Variants in TANC1 observed in about 807,000 individuals in gnomAD.
TANC1 encodes protein TANC1.
A neutral mutation model predicts 149.7 loss-of-function variants in TANC1; 77 were observed. The ratio of observed to expected loss-of-function variants is 0.51; its 90% confidence interval spans 0.43 to 0.62. The LOEUF is 0.62. Among genes scored for constraint, TANC1 ranks in the 20% least tolerant of loss-of-function variants. The pLI, the probability that TANC1 is intolerant of heterozygous loss-of-function variation, is 0.00. For missense variants in TANC1, 1,985 were observed against 2,321.8 expected (o/e 0.85, Z 2.98); for synonymous variants, 854 against 925.0 (o/e 0.92, Z 1.39).
rs759737515 is a variant in TANC1, at chr2:159,178,885, G to C, written c.2232G>C (p.Lys744Asn). 5 of 1,614,184 alleles carry C rather than the reference G, an allele frequency of 3.1e-6. No individual in the cohort carries two copies. Among genetic ancestry groups the C allele is most frequent in the Non-Finnish European group, 3.4e-6 (4 of 1,180,042 alleles). The change falls in exon 14 of 27, where the codon AAG becomes AAC. Residue 744 changes from lysine (K) to asparagine (N), a missense_variant. Physicochemically the swap from Lys to Asn is moderately conservative, Grantham distance 94. Transcript: ENST00000263635. The part of the protein sequence containing the change: ...SELYLLQCNM[K>N]FMTQSAFERA... ...TCTATTTGCTTCAGTGCAACATGAA[G>C]TTCATGACCCAGTCCGCCTTTGAGA...
At chr2:159,099,083 C>T (rs16843666) in intron 4 of TANC1, among the ~76,000 whole-genome samples, 18,461 of 152,062 alleles carry the variant, frequency 0.12, 1,155 homozygotes, top group Non-Finnish European at 0.13. Context: ...TAGGAGGGCA[C>T]CCTTAAAGGC....
intron 1 of TANC1, among the ~76,000 whole-genome samples, chr2:159,000,657 CTG>C (rs983787070): frequency 6.6e-6 from 1 of 151,792 alleles, no homozygotes; most frequent in African/African-American, 2.4e-5. Context: ...GGAGTCCACA[CTG>C]TGGGAATGAA....
chr2:159,078,004 CTGTTTT>C (rs546422024), intron 3 of TANC1, among the ~76,000 whole-genome samples: 61 of 152,236 alleles, frequency 4.0e-4, no homozygotes, highest in African/African-American at 1.4e-3. Flanking sequence ...AAAATTGTGT[CTGTTTT>C]TAATTATGCA....
intron 2 of TANC1, among the ~76,000 whole-genome samples, chr2:159,062,851 C>G (rs1351854554): frequency 6.6e-6 from 1 of 151,104 alleles, no homozygotes; most frequent in Non-Finnish European, 1.5e-5. Flanking sequence ...CCTGTAGTCC[C>G]AGCTACTCAG....
intron 2 of TANC1, chr2:159,027,248 T>A (rs2039423638): frequency 6.6e-6 from 1 of 152,244 alleles, no homozygotes; most frequent in Non-Finnish European, 1.5e-5. Flanking sequence ...TGCTCTCATA[T>A]ATCACTGAAT....
intron 2 of TANC1, among the ~76,000 whole-genome samples, chr2:159,018,736 C>T (rs2038520055): frequency 6.6e-6 from 1 of 151,670 alleles, no homozygotes; most frequent in Non-Finnish European, 1.5e-5. Context: ...AGTAGAATCT[C>T]ATATTCGTCC....
chr2:159,008,526 G>T (rs776023920), intron 2 of TANC1, among the ~76,000 whole-genome samples: 2 of 152,118 alleles, frequency 1.3e-5, no homozygotes, highest in Non-Finnish European at 2.9e-5. Flanking sequence ...CGTTCACTTC[G>T]TGTTGGCTTT....
chr2:159,037,100 CTGA>C (rs1358723866), intron 2 of TANC1, among the ~76,000 whole-genome samples: 1 of 152,184 alleles, frequency 6.6e-6, no homozygotes, highest in Non-Finnish European at 1.5e-5. Flanking sequence ...TTGCATTTCT[CTGA>C]TGACCAGTGG....
chr2:159,048,653 A>G (rs986939722), intron 2 of TANC1, among the ~76,000 whole-genome samples: 2 of 152,252 alleles, frequency 1.3e-5, no homozygotes, highest in Non-Finnish European at 2.9e-5. Context: ...CAGGCAGAAA[A>G]GGCAAGAAAC....
At chr2:159,167,661 C>T (rs2054738204) in intron 8 of TANC1, among the ~76,000 whole-genome samples, 1 of 152,116 alleles carries the variant, frequency 6.6e-6, no homozygotes, top group African/African-American at 2.4e-5. Context: ...TCAGGTGTTT[C>T]TTGCTCGCTG....
chr2:159,044,741 A>G (rs927975430), intron 2 of TANC1, among the ~76,000 whole-genome samples: 2 of 152,156 alleles, frequency 1.3e-5, no homozygotes, highest in Admixed American at 1.3e-4. Context: ...TCGCTTCTCC[A>G]TGGGTGTTGG....
intron 4 of TANC1, among the ~76,000 whole-genome samples, chr2:159,127,718 G>A (rs1056818187): frequency 2.0e-5 from 3 of 152,198 alleles, no homozygotes; most frequent in African/African-American, 7.2e-5. Flanking sequence ...TCAGGGCACG[G>A]GGGGAGGGAG....
chr2:159,149,787 G>C (rs943827711), intron 6 of TANC1: 13 of 183,230 alleles, frequency 7.1e-5, no homozygotes, highest in Non-Finnish European at 1.3e-4. Context: ...CCACCTCCCA[G>C]ATGTGATGTG....
intron 7 of TANC1, 192 bp downstream of exon 7, chr2:159,150,748 GTTTAC>G: frequency 2.0e-6 from 1 of 491,768 alleles, no homozygotes; most frequent in East Asian, 3.5e-5. Context: ...ATTCCTTGAT[GTTTAC>G]TTTATAACAG....
chr2:159,059,088 T>C (rs1031322707), intron 2 of TANC1, among the ~76,000 whole-genome samples: 1 of 77,644 alleles, frequency 1.3e-5, no homozygotes, highest in Non-Finnish European at 3.2e-5. Flanking sequence ...CTATAAAGAA[T>C]AGAATAGTAG....
intron 3 of TANC1, among the ~76,000 whole-genome samples, chr2:159,074,497 A>G (rs1196499005): frequency 1.3e-5 from 2 of 152,110 alleles, no homozygotes; most frequent in Non-Finnish European, 2.9e-5. Context: ...CAGGTTAAGG[A>G]TGGAAGAGAG....
At chr2:159,046,295 A>G (rs1053301295) in intron 2 of TANC1, among the ~76,000 whole-genome samples, 1 of 152,180 alleles carries the variant, frequency 6.6e-6, no homozygotes, top group Admixed American at 6.5e-5. Context: ...ACACATTGCT[A>G]TTTGACATTT....
At chr2:159,007,295 C>T (rs1247097919) in intron 2 of TANC1, among the ~76,000 whole-genome samples, 2 of 152,054 alleles carry the variant, frequency 1.3e-5, no homozygotes, top group African/African-American at 2.4e-5. Context: ...TACAGGCTTG[C>T]GCCACCACAA....
Position 159,207,878 on chromosome 2 carries a change from A to T in TANC1, c.3244+8825A>T, listed in dbSNP as rs566523387. Among the ~76,000 whole-genome samples the T allele has an allele frequency of 2.6e-5, 4 of 152,216 alleles. No homozygotes were observed. In the South Asian group the frequency reaches 8.3e-4, roughly 32 times the overall value. ...GTGTTCACTGAATTTATGAATATGG[A>T]GGACCAAGAGCATCGTGTAGGCAGC... On this transcript the variant is annotated intron_variant, in intron 19 of 26. Coordinates refer to ENST00000263635, the MANE Select transcript of TANC1 (RefSeq NM_033394.3).
Sources: allele counts gnomAD v4.1 joint callset (sites outside exome capture counted in the v4.1 genomes callset), GRCh38; gene constraint gnomAD v4.1.1; transcripts MANE v1.5; gene names NCBI Gene and HGNC (gene_info 2026-07-23, HGNC 2026-07-21).